The following CNNM3 variants were observed in gnomAD, a reference collection of about 807,000 sequenced individuals.
CNNM3 encodes metal transporter CNNM3.
CNNM3 carries 47 observed loss-of-function variants against 57.1 expected under a neutral mutation model. That is an observed-to-expected ratio of 0.82 (90% CI 0.65 to 1.05). The LOEUF is 1.05. Ranked by LOEUF, CNNM3 falls within the 50% of genes least tolerant of loss-of-function variation. The pLI is 0.00. For missense variants in CNNM3, 957 were observed against 973.7 expected (o/e 0.98, Z 0.23); for synonymous variants, 507 against 478.2 (o/e 1.06, Z -0.79).
downstream of CNNM3, chr2:96,837,175 T>C (rs1013481553): frequency 1.3e-5 from 2 of 152,250 alleles, no homozygotes; most frequent in African/African-American, 2.4e-5. Context: ...CTATTCTTTT[T>C]CAAAATATTT....
chr2:96,817,428 G>T lies in CNNM3; in HGVS notation c.1151G>T (p.Arg384Leu). ...EDCTPLSTITRFYNHPLHFVF... is the reference protein window; with the variant it reads ...EDCTPLSTITLFYNHPLHFVF... ...TGCACGCCGCTCAGCACCATCACTC[G>T]TTTCTACAACCATCCGCTCCACTTC... The change falls in exon 1 of 8, where the codon CGT becomes CTT. Residue 384 changes from arginine to leucine, a missense_variant. Arg to Leu is a moderately radical substitution (Grantham distance 102). Transcript: ENST00000305510. 2 of 1,614,092 alleles carry T rather than the reference G, an allele frequency of 1.2e-6. No homozygotes were observed. Among genetic ancestry groups the T allele is most frequent in the Non-Finnish European group, 1.7e-6 (2 of 1,180,020 alleles).
rs943497967 is a variant in CNNM3 at position 96,833,121 on chromosome 2, T to G, written c.*505T>G. ...GTTCAGATCGATGGCCTTGTCCATG[T>G]TGTCCTTTCTGGCTTCCCTGATGGT... is the stretch of plus-strand genomic sequence containing the variant. On this transcript the variant is annotated 3_prime_UTR_variant, in exon 8 of 8. Coordinates refer to ENST00000305510, the MANE Select transcript of CNNM3 (RefSeq NM_017623.5). 210 of 798,092 alleles carry G rather than the reference T, an allele frequency of 2.6e-4. 2 individuals are homozygous for G. The Middle Eastern group carries it at 2.7e-3, about 10-fold the overall frequency. The allele number at this position is 798,092 out of a possible 1,614,324, so 49.4% of individuals were successfully genotyped here. A position where few individuals can be genotyped will look rare whatever the true frequency, so the allele number is the denominator to read the frequency against.
At chr2:96,825,551 C>T (rs934791923) in intron 2 of CNNM3, among the ~76,000 whole-genome samples, 1 of 152,192 alleles carries the variant, frequency 6.6e-6, no homozygotes, top group Non-Finnish European at 1.5e-5. Context: ...TTTGTTTTTG[C>T]AGGTTCTTTT....
At chr2:96,817,529 A>G (rs2079342984) in intron 1 of CNNM3, 27 bp downstream of exon 1, 1 of 1,583,110 alleles carries the variant, frequency 6.3e-7, no homozygotes, top group African/African-American at 1.3e-5. Flanking sequence ...GGTGCAGGGG[A>G]CGCCCGTGCG....
At position 96,832,808 on chromosome 2, in the gene CNNM3, T is replaced by C; in HGVS notation, c.*192T>C. On this transcript the variant is annotated 3_prime_UTR_variant, in exon 8 of 8. Transcript: ENST00000305510. Reference sequence around the variant, plus strand: ...CTGGATCCTTCAGCCGGCCCTGCCCTCCTTTAGGAGACAGGAGTCACCAGG... The same window carrying C: ...CTGGATCCTTCAGCCGGCCCTGCCCCCCTTTAGGAGACAGGAGTCACCAGG... 1 of 1,504,106 alleles carries C rather than the reference T, an allele frequency of 6.6e-7. No individual in the cohort carries two copies. Among genetic ancestry groups the C allele is most frequent in the Non-Finnish European group, 8.9e-7 (1 of 1,127,650 alleles). 93.2% of individuals were successfully genotyped at this position (1,504,106 alleles called of 1,614,324 possible). A position where few individuals can be genotyped will look rare whatever the true frequency, so the allele number is the denominator to read the frequency against.
Position 96,834,299 on chromosome 2 carries a change from G to A in CNNM3, c.*1683G>A, listed in dbSNP as rs566258456. 2.0e-5 allele frequency among the ~76,000 whole-genome samples: 3 copies of A among 151,802 alleles called. No homozygotes were observed. The highest frequency in any genetic ancestry group is 6.6e-5 in the Admixed American group (1 of 15,246). ...CACCAGAGCTTGTGATTTAATCAGA[G>A]TCGGCATCAGAGTTTTCAATTTTTT... On this transcript the variant is annotated 3_prime_UTR_variant, in exon 8 of 8. Coordinates refer to ENST00000305510, the MANE Select transcript of CNNM3 (RefSeq NM_017623.5).
chr2:96,819,373 T>G (rs62152794), intron 1 of CNNM3, among the ~76,000 whole-genome samples: 1 of 152,142 alleles, frequency 6.6e-6, no homozygotes, highest in Admixed American at 6.5e-5. Flanking sequence ...CCTCTTGTGG[T>G]GCAAAGTCCT....
At chr2:96,825,223 T>G (rs1182377743) in intron 2 of CNNM3, 22 bp downstream of exon 2, 20 of 1,613,116 alleles carry the variant, frequency 1.2e-5, no homozygotes, top group Non-Finnish European at 1.6e-5. Context: ...CTCTTGGCAG[T>G]TCTGTCTCCG....
chr2:96,832,140 C>T, intron 7 of CNNM3: 1 of 1,010,986 alleles, frequency 9.9e-7, no homozygotes, highest in Non-Finnish European at 1.2e-6. Context: ...GAGCAGAGCC[C>T]ATGGCTCCCC....
intron 1 of CNNM3, among the ~76,000 whole-genome samples, chr2:96,817,812 C>A (rs1001498684): frequency 3.3e-5 from 5 of 151,878 alleles, no homozygotes; most frequent in African/African-American, 1.2e-4. Flanking sequence ...CCAGCTCTTT[C>A]CCTCTCCCAG....
intron 1 of CNNM3, among the ~76,000 whole-genome samples, chr2:96,821,764 T>G (rs968148528): frequency 3.9e-5 from 6 of 152,226 alleles, no homozygotes; most frequent in African/African-American, 1.4e-4. Context: ...AACACTTACT[T>G]TAGCCTGCAG....
At chr2:96,818,030 C>T (rs1020031473) in intron 1 of CNNM3, among the ~76,000 whole-genome samples, 21 of 152,172 alleles carry the variant, frequency 1.4e-4, no homozygotes, top group Non-Finnish European at 1.5e-5. Context: ...GTGTCAATCC[C>T]TTATCTGCGG....
Position 96,817,040 on chromosome 2 carries a change from G to A in CNNM3, c.763G>A (p.Ala255Thr). 7.3e-7 allele frequency: 1 copy of A among 1,369,082 alleles called. No individual in the cohort carries two copies. The highest frequency in any genetic ancestry group is 3.4e-5 in the East Asian group (1 of 29,522). 84.8% of individuals were successfully genotyped at this position (1,369,082 alleles called of 1,614,324 possible). ...GRWTLALAPRALGLSRLAVLL... is the reference protein window; with the variant it reads ...GRWTLALAPRTLGLSRLAVLL... ...CTGGACGCTGGCGCTGGCGCCGCGA[G>A]CGCTCGGCCTCAGCCGCCTGGCCGT... is the stretch of plus-strand genomic sequence containing the variant. The change falls in exon 1 of 8, where the codon GCG (alanine) becomes ACG (threonine). Residue 255 changes from alanine (A) to threonine (T), a missense_variant. Physicochemically the swap from Ala to Thr is moderately conservative, Grantham distance 58 (BLOSUM62 0). Transcript: ENST00000305510.
Position 96,834,421 on chromosome 2 carries a change from T to C in CNNM3, c.*1805T>C, listed in dbSNP as rs981056474. ...GTGCAGTGGTGTGATCACGGCTTGC[T>C]GCAGCCTCGACCTCCCTGGTTCAGG... On this transcript the variant is annotated 3_prime_UTR_variant, in exon 8 of 8. Transcript: ENST00000305510. Among the ~76,000 whole-genome samples, 1 of 151,888 alleles carries C rather than the reference T, an allele frequency of 6.6e-6. No homozygotes were observed. Among genetic ancestry groups the C allele is most frequent in the Non-Finnish European group, 1.5e-5 (1 of 67,994 alleles).
chr2:96,832,623 A>G lies in CNNM3; in HGVS notation c.*7A>G. The G allele has an allele frequency of 6.2e-7, 1 of 1,613,314 alleles. No individual in the cohort carries two copies. Among genetic ancestry groups the G allele is most frequent in the African/African-American group, 1.3e-5 (1 of 75,064 alleles). ...GCGGAACCCAGGCGTTTAACGGCTCACTAGGCAGCCCCAGATCTGGGGAAC... is the reference window on the plus strand; with the variant it reads ...GCGGAACCCAGGCGTTTAACGGCTCGCTAGGCAGCCCCAGATCTGGGGAAC... On this transcript the variant is annotated 3_prime_UTR_variant, in exon 8 of 8. Coordinates refer to ENST00000305510, the MANE Select transcript of CNNM3 (RefSeq NM_017623.5).
intron 1 of CNNM3, among the ~76,000 whole-genome samples, chr2:96,822,478 T>G (rs1028322892): frequency 2.0e-5 from 3 of 152,222 alleles, no homozygotes; most frequent in Admixed American, 1.3e-4. Context: ...CCCAGCTAAT[T>G]TTTAATTTTA....
Position 96,835,075 on chromosome 2 carries a change from C to T in CNNM3, c.*2459C>T, listed in dbSNP as rs954149620. Among the ~76,000 whole-genome samples the T allele has an allele frequency of 1.3e-5, 2 of 152,204 alleles. No homozygotes were observed. Among genetic ancestry groups the T allele is most frequent in the Admixed American group, 1.3e-4 (2 of 15,286 alleles). ...ACCACTGCAATCAGGATAAAGAAGT[C>T]CCATCCCCACAAGGATCTCCCTCCC... On this transcript the variant is annotated 3_prime_UTR_variant, in exon 8 of 8. Coordinates refer to ENST00000305510, the MANE Select transcript of CNNM3 (RefSeq NM_017623.5).
At chr2:96,827,525 C>A (rs912017763) in intron 3 of CNNM3, among the ~76,000 whole-genome samples, 1 of 152,136 alleles carries the variant, frequency 6.6e-6, no homozygotes, top group Admixed American at 6.5e-5. Flanking sequence ...GCCTCAGCCT[C>A]CGAAAGTGTT....
Position 96,833,161 on chromosome 2 carries a change from C to A in CNNM3, c.*545C>A. ...TCCCTGATGGTGTCATGTTTCAGCGCATGCGCCCCAGCCTTTCCCATGTGC... is the reference window on the plus strand; with the variant it reads ...TCCCTGATGGTGTCATGTTTCAGCGAATGCGCCCCAGCCTTTCCCATGTGC... On this transcript the variant is annotated 3_prime_UTR_variant, in exon 8 of 8. Transcript: ENST00000305510. 1 of 512,022 alleles carries A rather than the reference C, an allele frequency of 2.0e-6. No individual in the cohort carries two copies. Among genetic ancestry groups the A allele is most frequent in the Non-Finnish European group, 3.3e-6 (1 of 303,994 alleles). The allele number at this position is 512,022 out of a possible 1,614,324, so 31.7% of individuals were successfully genotyped here.
Sources: gnomAD v4.1 joint callset for allele counts (sites outside exome capture counted in the v4.1 genomes callset) on GRCh38, gnomAD v4.1.1 for gene constraint, MANE v1.5 for transcripts, NCBI Gene and HGNC (gene_info 2026-07-23, HGNC 2026-07-21) for gene names.